HSP90AA1: variants seen among roughly 807,000 people sequenced by gnomAD.
HSP90AA1 encodes the protein heat shock protein 90 alpha family class A member 1, also known as heat shock protein HSP 90-alpha.
Under a neutral mutation model 73.3 loss-of-function variants are expected in HSP90AA1, and 18 were observed. That is an observed-to-expected ratio of 0.25 (90% confidence interval 0.17 to 0.36). The LOEUF (loss-of-function observed/expected upper bound fraction) is 0.36. HSP90AA1 is among the 10% of genes least tolerant of loss of function. The probability of loss-of-function intolerance (pLI) is 1.00; values close to 1 mark genes in which losing one functional copy is unlikely to be tolerated. For missense variants in HSP90AA1, 704 were observed against 874.2 expected (o/e 0.81, Z 2.45); for synonymous variants, 477 against 296.9 (o/e 1.61, Z -6.24).
chr14:102,087,492 T>A (rs2049275381), upstream of HSP90AA1, among the ~76,000 whole-genome samples: 1 of 151,700 alleles, frequency 6.6e-6, no homozygotes, highest in Non-Finnish European at 1.5e-5. Flanking sequence ...GAGGCGCGCC[T>A]GGAGGGAGGG....
At chr14:102,132,548 T>TA (rs2049921054) in intron 1 of HSP90AA1, among the ~76,000 whole-genome samples, 1 of 151,794 alleles carries the variant, frequency 6.6e-6, no homozygotes, top group African/African-American at 2.4e-5. Context: ...ACCCTGTCTC[T>TA]AAAAAAAGGA....
upstream of HSP90AA1, among the ~76,000 whole-genome samples, chr14:102,090,123 A>G (rs2049334226): frequency 6.6e-6 from 1 of 151,986 alleles, no homozygotes; most frequent in African/African-American, 2.4e-5. Flanking sequence ...CTGTGCTCCT[A>G]TTTCTGTGTC....
intron 1 of HSP90AA1, among the ~76,000 whole-genome samples, chr14:102,135,863 A>C (rs1340379076): frequency 6.6e-6 from 1 of 152,222 alleles, no homozygotes; most frequent in Non-Finnish European, 1.5e-5. Context: ...CAAGAGCCGC[A>C]CGCAGCCCCG....
intron 4 of HSP90AA1, 102 bp from the exon 5 acceptor site, chr14:102,085,100 A>G: frequency 6.3e-7 from 1 of 1,581,576 alleles, no homozygotes; most frequent in Non-Finnish European, 8.7e-7. Flanking sequence ...AAATTAGCCA[A>G]CTTGAGAAGC....
Position 102,139,305 on chromosome 14 carries a change from G to A in HSP90AA1, c.100C>T (p.Leu34=), listed in dbSNP as rs41285492. ...GAGGGGCTTCCTGGGCGGGGATCCA[G>A]ACGGTCGCGCGGGTATTCAGCACTC... Residue 34 remains leucine, a synonymous_variant, in exon 1 of 12, where the codon CTG becomes TTG. Coordinates refer to the HSP90AA1 transcript ENST00000334701. The A allele has an allele frequency of 1.3e-3, 2,167 of 1,613,996 alleles. 4 individuals carry two copies. Among genetic ancestry groups the A allele is most frequent in the Non-Finnish European group, 1.7e-3 (2,027 of 1,180,028 alleles).
chr14:102,136,580 A>AAG (rs1204446430), intron 1 of HSP90AA1, among the ~76,000 whole-genome samples: 3 of 125,066 alleles, frequency 2.4e-5, no homozygotes, highest in South Asian at 2.6e-4. Flanking sequence ...AAAAAAAAAA[A>AAG]AAAAAAAAAA....
chr14:102,094,477 G>A (rs761649544), intron 2 of HSP90AA1, among the ~76,000 whole-genome samples: 9 of 152,190 alleles, frequency 5.9e-5, no homozygotes, highest in Non-Finnish European at 8.8e-5. Context: ...CTAGGATGGT[G>A]AGGGGCACCC....
In HSP90AA1 at chr14:102,083,833, T is replaced by A; in HGVS notation, c.1298A>T (p.Asn433Ile). The change falls in exon 7 of 11, where the codon AAC (asparagine) becomes ATC (isoleucine). Residue 433 changes from asparagine (N) to isoleucine (I), a missense_variant. By Grantham distance (149) the Asn-to-Ile change is moderately radical. Coordinates refer to ENST00000216281, the MANE Select transcript of HSP90AA1 (RefSeq NM_005348.4). ...LFTELAEDKE[N>I]YKKFYEQFSK... ...GAACTGCTCATAGAATTTCTTGTAG[T>A]TCTCTTTATCTTCCGCCAGTTCAGT... The A allele has an allele frequency of 6.2e-7, 1 of 1,613,940 alleles. No homozygotes were observed. The highest frequency in any genetic ancestry group is 8.5e-7 in the Non-Finnish European group (1 of 1,179,932).
intron 1 of HSP90AA1, among the ~76,000 whole-genome samples, chr14:102,136,281 G>T (rs2049992544): frequency 6.6e-6 from 1 of 152,232 alleles, no homozygotes; most frequent in South Asian, 2.1e-4. Flanking sequence ...AGAAATACCC[G>T]GTTTGGGCCG....
intron 1 of HSP90AA1, among the ~76,000 whole-genome samples, chr14:102,103,241 C>G (rs1393137263): frequency 4.0e-4 from 28 of 70,384 alleles, no homozygotes; most frequent in Non-Finnish European, 5.8e-4. Flanking sequence ...TTTTTTTTTT[C>G]AGATAGGGTC....
chr14:102,133,064 G>A (rs1036322354), intron 1 of HSP90AA1, among the ~76,000 whole-genome samples: 1 of 152,140 alleles, frequency 6.6e-6, no homozygotes, highest in South Asian at 2.1e-4. Context: ...TAGATCACCT[G>A]AGGTCAGGAG....
chr14:102,089,858 C>T (rs2049330331), upstream of HSP90AA1, among the ~76,000 whole-genome samples: 1 of 152,200 alleles, frequency 6.6e-6, no homozygotes, highest in African/African-American at 2.4e-5. Context: ...CCTTCATCCC[C>T]CGCTTCCACA....
chr14:102,107,906 G>A (rs1461302184), intron 1 of HSP90AA1, among the ~76,000 whole-genome samples: 2 of 151,552 alleles, frequency 1.3e-5, no homozygotes, highest in East Asian at 3.9e-4. Flanking sequence ...AAGGCTTCTG[G>A]TTTCTGTAAT....
In HSP90AA1 at chr14:102,129,970, T is replaced by TG. The variant is rs371340528; in HGVS notation, c.155+9279_155+9280insC. Among the ~76,000 whole-genome samples, 1,464 of 152,092 alleles carry TG rather than the reference T, an allele frequency of 9.6e-3. 14 individuals are homozygous for TG. The highest frequency in any genetic ancestry group is 0.02 in the African/African-American group (845 of 41,474). On this transcript the variant is annotated intron_variant, in intron 1 of 11. Transcript: ENST00000334701. Reference sequence around the variant, plus strand: ...TATAAGTTTTTGTGTGAAATTTTTTTTTTGTTTTGTTTTGTTTTGAGATGG... The same window carrying TG: ...TATAAGTTTTTGTGTGAAATTTTTTTGTTTGTTTTGTTTTGTTTTGAGATGG...
upstream of HSP90AA1, among the ~76,000 whole-genome samples, chr14:102,088,974 TCTGCTCACTGCAAC>T (rs199954822): frequency 0.028 from 4,168 of 151,406 alleles, 195 homozygotes; most frequent in African/African-American, 0.094. Context: ...TGGCACAATC[TCTGCTCACTGCAAC>T]CTGCTCACTG....
upstream of HSP90AA1, among the ~76,000 whole-genome samples, chr14:102,090,081 G>T (rs2049333672): frequency 6.6e-6 from 1 of 152,086 alleles, no homozygotes; most frequent in African/African-American, 2.4e-5. Context: ...CCTGCAGGTC[G>T]CTGCTGCCTC....
chr14:102,128,229 C>T (rs2049861390), intron 1 of HSP90AA1, among the ~76,000 whole-genome samples: 2 of 152,106 alleles, frequency 1.3e-5, no homozygotes, highest in Non-Finnish European at 2.9e-5. Context: ...CGGTGGCTCA[C>T]ACTTGTAATG....
chr14:102,123,329 G>A (rs1381808815), intron 1 of HSP90AA1, among the ~76,000 whole-genome samples: 1 of 152,072 alleles, frequency 6.6e-6, no homozygotes, highest in African/African-American at 2.4e-5. Context: ...GGAGGCAGTA[G>A]TGAGCCAAGA....
chr14:102,116,136 G>C (rs2049703762), intron 1 of HSP90AA1, among the ~76,000 whole-genome samples: 1 of 151,970 alleles, frequency 6.6e-6, no homozygotes, highest in Non-Finnish European at 1.5e-5. Flanking sequence ...TGTATTTTTA[G>C]TAGAGACAGG....
Sources: gnomAD v4.1 joint callset for allele counts (sites outside exome capture counted in the v4.1 genomes callset) on GRCh38, gnomAD v4.1.1 for gene constraint, MANE v1.5 for transcripts, NCBI Gene and HGNC (gene_info 2026-07-23, HGNC 2026-07-21) for gene names.